The following ETAA1 variants were observed in gnomAD, a reference collection of about 807,000 sequenced individuals.
ETAA1 encodes the protein ETAA1 activator of ATR kinase.
A neutral mutation model predicts 76.8 loss-of-function variants in ETAA1; 49 were observed. That is an observed-to-expected ratio of 0.64 (90% confidence interval 0.51 to 0.81). The LOEUF (loss-of-function observed/expected upper bound fraction) is 0.81. Among genes scored for constraint, ETAA1 ranks in the 30% least tolerant of loss-of-function variants. The pLI, the probability that ETAA1 is intolerant of heterozygous loss-of-function variation, is 0.00. For missense variants in ETAA1, 1,099 were observed against 1,074.0 expected, an observed-to-expected ratio of 1.02 and a Z score of -0.32; for synonymous variants, 373 against 372.2, an observed-to-expected ratio of 1.00 and a Z score of -0.03.
rs2103752857 is a variant in ETAA1, at chr2:67,404,804, A to G, written c.2122A>G (p.Asn708Asp). The G allele has an allele frequency of 3.1e-6, 5 of 1,613,434 alleles. No homozygotes were observed. Among genetic ancestry groups the G allele is most frequent in the Non-Finnish European group, 4.2e-6 (5 of 1,179,562 alleles). Residue 708 changes from asparagine (N) to aspartate (D), a missense_variant, in exon 5 of 6, where the codon AAT (asparagine) becomes GAT (aspartate). Physicochemically the swap from Asn to Asp is conservative, Grantham distance 23. This residue lies in a region of ETAA1 where 302 missense variants were observed against 278.1 expected (regional missense o/e 1.09). Coordinates refer to ENST00000272342, the MANE Select transcript of ETAA1 (RefSeq NM_019002.4). The part of the protein sequence containing the change: ...GSISVQTSLT[N>D]SSQIDKPMKM... ...CATTTCAGTGCAGACATCTTTGACA[A>G]ATAGCTCACAAATAGATAAGCCAAT... is the stretch of plus-strand genomic sequence containing the variant.
rs945119839 is a variant in ETAA1, at chr2:67,411,025, T to A, written c.*987T>A. On this transcript the variant is annotated 3_prime_UTR_variant, in exon 6 of 6. Coordinates refer to ENST00000272342, the MANE Select transcript of ETAA1 (RefSeq NM_019002.4). ...TCCAGGATATAAAAATGAGAATCTT[T>A]TTTCTTTTCAGTTTTTCTGTAACTG... 6.6e-6 allele frequency: 1 copy of A among 152,038 alleles called. No individual in the cohort carries two copies. Among genetic ancestry groups the A allele is most frequent in the Non-Finnish European group, 1.5e-5 (1 of 67,962 alleles). 9.4% of individuals were successfully genotyped at this position (152,038 alleles called of 1,614,324 possible). A position where few individuals can be genotyped will look rare whatever the true frequency, so the allele number is the denominator to read the frequency against.
intron 5 of ETAA1, among the ~76,000 whole-genome samples, chr2:67,406,521 T>C (rs553456827): frequency 1.3e-4 from 20 of 152,272 alleles, no homozygotes; most frequent in African/African-American, 4.8e-4. Flanking sequence ...CTTTCCTATC[T>C]AAGTGACTTT....
At chr2:67,400,044 C>T (rs975520099) in intron 3 of ETAA1, among the ~76,000 whole-genome samples, 1 of 152,110 alleles carries the variant, frequency 6.6e-6, no homozygotes, top group African/African-American at 2.4e-5. Flanking sequence ...ATACTCATTT[C>T]CTTATAAGAT....
In ETAA1 at chr2:67,399,245, T is replaced by C. The variant is rs201956399; in HGVS notation, c.300T>C (p.Asp100=). The change falls in exon 2 of 6, where the codon GAT becomes GAC. Residue 100 remains aspartate (D), a synonymous_variant. Coordinates refer to ENST00000272342, the MANE Select transcript of ETAA1 (RefSeq NM_019002.4). ...CCTTCAGTTCTCCTAATGATCCAGA[T>C]GGACAGAATGATATCTTTTGGGATC... ...SSSFSSPNDP[D]GQNDIFWDQN... 3.6e-5 allele frequency: 58 copies of C among 1,613,400 alleles called. No individual in the cohort carries two copies. The highest frequency in any genetic ancestry group is 4.2e-5 in the Non-Finnish European group (50 of 1,179,570).
In ETAA1 at chr2:67,411,703, A is replaced by T. The variant is rs1676373573; in HGVS notation, c.*1665A>T. 1 of 152,098 alleles carries T rather than the reference A, an allele frequency of 6.6e-6. No homozygotes were observed. Among genetic ancestry groups the T allele is most frequent in the Non-Finnish European group, 1.5e-5 (1 of 67,994 alleles). The allele number at this position is 152,098 out of a possible 1,614,324, so 9.4% of individuals were successfully genotyped here. A position where few individuals can be genotyped will look rare whatever the true frequency, so the allele number is the denominator to read the frequency against. The stretch of plus-strand genomic sequence containing the variant: ...TTTAAGTTGGAGACTGTACATCAAA[A>T]ATGGTATTTTCATATCTACAGTGGA... On this transcript the variant is annotated 3_prime_UTR_variant, in exon 6 of 6. Coordinates refer to ENST00000272342, the MANE Select transcript of ETAA1 (RefSeq NM_019002.4).
intron 3 of ETAA1, among the ~76,000 whole-genome samples, chr2:67,400,045 C>T (rs1374714054): frequency 6.6e-6 from 1 of 152,070 alleles, no homozygotes; most frequent in South Asian, 2.1e-4. Context: ...TACTCATTTC[C>T]TTATAAGATT....
At chr2:67,406,048 A>C (rs1676209259) in intron 5 of ETAA1, among the ~76,000 whole-genome samples, 1 of 152,082 alleles carries the variant, frequency 6.6e-6, no homozygotes, top group Non-Finnish European at 1.5e-5. Context: ...ATAGCCTTTT[A>C]AAATTGGATG....
rs752684455 is a variant in ETAA1, at chr2:67,404,742, G to A, written c.2060G>A (p.Ser687Asn). Residue 687 changes from serine (S) to asparagine (N), a missense_variant, in exon 5 of 6, where the codon AGT becomes AAT. Physicochemically the swap from Ser to Asn is conservative, Grantham distance 46. Coordinates refer to ENST00000272342, the MANE Select transcript of ETAA1 (RefSeq NM_019002.4). Reference sequence around the variant, plus strand: ...ATGTTTGCTATATCTAAACAAGGAAGTAATTTGGTACAATCAAAGCATTTG... The same window carrying A: ...ATGTTTGCTATATCTAAACAAGGAAATAATTTGGTACAATCAAAGCATTTG... ...KNMFAISKQG[S>N]NLVQSKHLNP... 1.2e-6 allele frequency: 2 copies of A among 1,613,390 alleles called. No homozygotes were observed. The highest frequency in any genetic ancestry group is 1.7e-6 in the Non-Finnish European group (2 of 1,179,554).
At chr2:67,399,489 C>G in intron 2 of ETAA1, 61 bp from the exon 3 acceptor site, 1 of 1,330,084 alleles carries the variant, frequency 7.5e-7, no homozygotes, top group Non-Finnish European at 1.1e-6. Context: ...GAAGTGACAG[C>G]TGTTTTTTAA....
At chr2:67,398,935 T>A (rs1675976105) in intron 1 of ETAA1, among the ~76,000 whole-genome samples, 1 of 152,234 alleles carries the variant, frequency 6.6e-6, no homozygotes, top group African/African-American at 2.4e-5. Flanking sequence ...TATGCATTCA[T>A]AAAGCTTCTG....
At chr2:67,408,967 T>G (rs1459987673) in intron 5 of ETAA1, among the ~76,000 whole-genome samples, 1 of 151,970 alleles carries the variant, frequency 6.6e-6, no homozygotes, top group Non-Finnish European at 1.5e-5. Context: ...ATATCTACAG[T>G]CTGTTAGGTA....
At position 67,403,274 on chromosome 2, in the gene ETAA1, T is replaced by C; in HGVS notation, c.592T>C (p.Phe198Leu). Residue 198 changes from phenylalanine to leucine, a missense_variant, in exon 5 of 6, where the codon TTT (phenylalanine) becomes CTT (leucine). Phe to Leu is a conservative substitution (Grantham distance 22, BLOSUM62 0). Around this residue, in one of 3 missense-constraint regions of ETAA1, gnomAD observed 761 missense variants for 731.9 expected, o/e 1.04. Transcript: ENST00000272342. ...AGAACTTATGAAACTGGCTAAACAATTTGATAAAAATATGGAAGAGCTAGA... is the reference window on the plus strand; with the variant it reads ...AGAACTTATGAAACTGGCTAAACAACTTGATAAAAATATGGAAGAGCTAGA... The part of the protein sequence containing the change: ...EEELMKLAKQ[F>L]DKNMEELDVI... 3 of 1,591,594 alleles carry C rather than the reference T, an allele frequency of 1.9e-6. No individual in the cohort carries two copies. The highest frequency in any genetic ancestry group is 2.6e-6 in the Non-Finnish European group (3 of 1,172,586).
intron 5 of ETAA1, among the ~76,000 whole-genome samples, chr2:67,407,788 T>C (rs757854003): frequency 5.9e-5 from 9 of 152,088 alleles, no homozygotes; most frequent in Non-Finnish European, 8.8e-5. Flanking sequence ...TGAAAGTGGA[T>C]CATCATAAAG....
In ETAA1 at chr2:67,403,566, G is replaced by T. The variant is rs756496315; in HGVS notation, c.884G>T (p.Gly295Val). 1 of 1,613,404 alleles carries T rather than the reference G, an allele frequency of 6.2e-7. No homozygotes were observed. The highest frequency in any genetic ancestry group is 1.1e-5 in the South Asian group (1 of 91,050). Residue 295 changes from glycine (G) to valine (V), a missense_variant, in exon 5 of 6, where the codon GGA becomes GTA. Coordinates refer to ENST00000272342, the MANE Select transcript of ETAA1 (RefSeq NM_019002.4). ...GATGGTTCTACTCAGAAATGTAGCG[G>T]ACAGTTAAGCCAAGAACTGCCAGAG... ...IFDGSTQKCS[G>V]QLSQELPEAF...
chr2:67,411,135 G>C lies in ETAA1; in HGVS notation c.*1097G>C, dbSNP rs1490573364. 2 of 150,016 alleles carry C rather than the reference G, an allele frequency of 1.3e-5. No individual in the cohort carries two copies. Among genetic ancestry groups the C allele is most frequent in the Non-Finnish European group, 3.0e-5 (2 of 67,540 alleles). 9.3% of individuals were successfully genotyped at this position (150,016 alleles called of 1,614,324 possible). A position where few individuals can be genotyped will look rare whatever the true frequency, so the allele number is the denominator to read the frequency against. On this transcript the variant is annotated 3_prime_UTR_variant, in exon 6 of 6. Transcript: ENST00000272342. Reference sequence around the variant, plus strand: ...TGTTTTTTTCTTTTTTTGCCATTTTGCCTATTTGGAATTTGCTAAACCAGT... The same window carrying C: ...TGTTTTTTTCTTTTTTTGCCATTTTCCCTATTTGGAATTTGCTAAACCAGT...
In ETAA1 at chr2:67,405,368, A is replaced by G. The variant is rs1676188734; in HGVS notation, c.2653+33A>G. ...TGAAATATGAAATAGTTTTCTTTGA[A>G]AAGCATCTTAAAAAGTAGTAAAATA... On this transcript the variant is annotated intron_variant, in intron 5 of 5. Coordinates refer to ENST00000272342, the MANE Select transcript of ETAA1 (RefSeq NM_019002.4). 2.1e-6 allele frequency: 3 copies of G among 1,450,438 alleles called. No homozygotes were observed. In the South Asian group the frequency reaches 4.6e-5, roughly 22 times the overall value. 89.8% of individuals were successfully genotyped at this position (1,450,438 alleles called of 1,614,324 possible). A position where few individuals can be genotyped will look rare whatever the true frequency, so the allele number is the denominator to read the frequency against.
At chr2:67,406,509 A>G (rs1676223975) in intron 5 of ETAA1, among the ~76,000 whole-genome samples, 1 of 152,152 alleles carries the variant, frequency 6.6e-6, no homozygotes, top group African/African-American at 2.4e-5. Flanking sequence ...TTACTGTTCC[A>G]ACTTTCCTAT....
rs1469312905 is a variant in ETAA1, at chr2:67,403,287, T to C, written c.605T>C (p.Met202Thr). ...CTGGCTAAACAATTTGATAAAAATA[T>C]GGAAGAGCTAGATGTGATTCAAGAG... ...MKLAKQFDKN[M>T]EELDVIQEQN... Residue 202 changes from methionine (M) to threonine (T), a missense_variant, in exon 5 of 6, where the codon ATG (methionine) becomes ACG (threonine). Around this residue, in one of 3 missense-constraint regions of ETAA1, gnomAD observed 761 missense variants for 731.9 expected, o/e 1.04. Transcript: ENST00000272342. 1 of 1,595,986 alleles carries C rather than the reference T, an allele frequency of 6.3e-7. No individual in the cohort carries two copies. Among genetic ancestry groups the C allele is most frequent in the Non-Finnish European group, 8.5e-7 (1 of 1,174,034 alleles).
rs1676384873 is a variant in ETAA1, at chr2:67,412,027, C to A, written c.*1989C>A. 1 of 151,970 alleles carries A rather than the reference C, an allele frequency of 6.6e-6. No individual in the cohort carries two copies. The highest frequency in any genetic ancestry group is 6.6e-5 in the Admixed American group (1 of 15,218). The allele number at this position is 151,970 out of a possible 1,614,324, so 9.4% of individuals were successfully genotyped here. A position where few individuals can be genotyped will look rare whatever the true frequency, so the allele number is the denominator to read the frequency against. On this transcript the variant is annotated 3_prime_UTR_variant, in exon 6 of 6. Transcript: ENST00000272342. ...CTGGAATTGATTGCTTCTCTCTGAT[C>A]ATAATGGTACTAATTATTGTGTCTT...
Sources: allele counts gnomAD v4.1 joint callset (sites outside exome capture counted in the v4.1 genomes callset), GRCh38; gene constraint gnomAD v4.1.1; regional missense constraint gnomAD v4.1.1; transcripts MANE v1.5; gene names NCBI Gene and HGNC (gene_info 2026-07-23, HGNC 2026-07-21).